Variants in USP6NL observed in about 807,000 individuals in gnomAD.
USP6NL encodes the protein USP6 N-terminal like, also known as USP6 N-terminal-like protein.
In USP6NL, 26 loss-of-function variants were observed where a neutral mutation model predicts 61.9. The ratio of observed to expected loss-of-function variants is 0.42; its 90% CI spans 0.31 to 0.58. The LOEUF (loss-of-function observed/expected upper bound fraction) is 0.58, where lower values mean the gene tolerates loss of function less well. Ranked by LOEUF, USP6NL falls within the 20% of genes least tolerant of loss-of-function variation. The probability of loss-of-function intolerance (pLI) is 0.16; values close to 1 mark genes in which losing one functional copy is unlikely to be tolerated. For missense variants in USP6NL, 1,114 were observed against 1,034.3 expected, an observed-to-expected ratio of 1.08 and a Z score of -1.06; for synonymous variants, 432 against 390.1, an observed-to-expected ratio of 1.11 and a Z score of -1.27.
chr10:11,611,304 G>A lies in USP6NL; in HGVS notation c.-84+139C>T, dbSNP rs1445245517. On this transcript the variant is annotated intron_variant, in intron 1 of 14. Transcript: ENST00000609104. This position sits in a 1 kb window ranked among gnomAD's most constrained non-coding sequence, Gnocchi z 5.3. The stretch of plus-strand genomic sequence containing the variant: ...CCCCAGGGCCGAGCCGCGAACCGCA[G>A]CCGCGTCCCCTCCTCCAGGGGCCGG... 6.6e-6 allele frequency: 1 copy of A among 151,920 alleles called. No homozygotes were observed. The highest frequency in any genetic ancestry group is 1.5e-5 in the Non-Finnish European group (1 of 67,972). 9.4% of individuals were successfully genotyped at this position (151,920 alleles called of 1,614,324 possible).
chr10:11,506,868 A>G (rs1834465838), intron 6 of USP6NL, among the ~76,000 whole-genome samples: 1 of 152,168 alleles, frequency 6.6e-6, no homozygotes, highest in Non-Finnish European at 1.5e-5. Flanking sequence ...GTGGAGAGAA[A>G]ACATACTTCT....
Position 11,592,631 on chromosome 10 carries a change from A to G in USP6NL, c.4+5000T>C, listed in dbSNP as rs1838190754. 6.6e-6 allele frequency among the ~76,000 whole-genome samples: 1 copy of G among 152,242 alleles called. No homozygotes were observed. ...CAGACATGCTGGCATTTCAAAGACAATTCAACTTAAATTTTCTTTTAACTT... is the reference window on the plus strand; with the variant it reads ...CAGACATGCTGGCATTTCAAAGACAGTTCAACTTAAATTTTCTTTTAACTT... On this transcript the variant is annotated intron_variant, in intron 2 of 14. Transcript: ENST00000609104. This position sits in a 1 kb window ranked among gnomAD's most constrained non-coding sequence, Gnocchi z 4.7.
intron 2 of USP6NL, among the ~76,000 whole-genome samples, chr10:11,581,986 C>T (rs908772785): frequency 2.0e-5 from 3 of 151,934 alleles, no homozygotes; most frequent in East Asian, 1.9e-4. Context: ...GTTTTTGAGA[C>T]GGAGTTTCGC....
intron 2 of USP6NL, among the ~76,000 whole-genome samples, chr10:11,534,220 C>CCATT (rs1478560009): frequency 5.3e-5 from 8 of 152,198 alleles, no homozygotes; most frequent in African/African-American, 1.9e-4. Context: ...CTTGCTCTGC[C>CCATT]CATTGGCTAT....
chr10:11,516,257 G>C (rs1290689203), intron 5 of USP6NL, among the ~76,000 whole-genome samples: 1 of 152,150 alleles, frequency 6.6e-6, no homozygotes, highest in Non-Finnish European at 1.5e-5. Flanking sequence ...GGCAAAGCTG[G>C]AAGGAAAGCT....
chr10:11,485,225 C>A lies in USP6NL; in HGVS notation c.769G>T (p.Glu257Ter), dbSNP rs765678739. The change falls in exon 12 of 15, where the codon GAA (glutamate) becomes TAA (stop). Residue 257 changes from glutamate (E) to a stop codon, truncating the protein, a stop_gained. Coordinates refer to ENST00000609104, the MANE Select transcript of USP6NL (RefSeq NM_014688.5). LOFTEE classifies it high-confidence loss of function. The surrounding 1 kb of genome is among the most constrained non-coding windows in gnomAD (Gnocchi z 4.8). ...SKLKQHLDSQEIYTSFYTMKW... is the reference protein window; with the variant it reads ...SKLKQHLDSQ ...ATTGTGTAAAAACTTGTGTAGATTTCTTGAGAATCCTGAAAAAACAAAGAG... is the reference window on the plus strand; with the variant it reads ...ATTGTGTAAAAACTTGTGTAGATTTATTGAGAATCCTGAAAAAACAAAGAG... The A allele has an allele frequency of 6.6e-7, 1 of 1,523,162 alleles. No individual in the cohort carries two copies. The highest frequency in any genetic ancestry group is 1.3e-5 in the South Asian group (1 of 76,900). The allele number at this position is 1,523,162 out of a possible 1,614,324, so 94.4% of individuals were successfully genotyped here.
At chr10:11,582,573 G>A (rs1234568992) in intron 2 of USP6NL, among the ~76,000 whole-genome samples, 1 of 152,198 alleles carries the variant, frequency 6.6e-6, no homozygotes, top group East Asian at 1.9e-4. Context: ...TGTGTTTATG[G>A]ATGACAACAT....
At chr10:11,501,345 G>T in intron 6 of USP6NL, 137 bp from the exon 7 acceptor site, 1 of 639,052 alleles carries the variant, frequency 1.6e-6, no homozygotes, top group Non-Finnish European at 2.6e-6. Context: ...TTTCAACATG[G>T]CACATGGAGG....
At chr10:11,605,684 G>A (rs914344085) in intron 1 of USP6NL, among the ~76,000 whole-genome samples, 2 of 152,076 alleles carry the variant, frequency 1.3e-5, no homozygotes, top group African/African-American at 4.8e-5. Flanking sequence ...TAACTAAACT[G>A]AAAGTCTAAA....
At chr10:11,521,953 T>G (rs1369972367) in intron 4 of USP6NL, among the ~76,000 whole-genome samples, 1 of 152,232 alleles carries the variant, frequency 6.6e-6, no homozygotes, top group Non-Finnish European at 1.5e-5. Context: ...CTATTTTTGA[T>G]TAAAATGTTA....
At chr10:11,523,185 T>C (rs1450719066) in intron 4 of USP6NL, among the ~76,000 whole-genome samples, 1 of 152,260 alleles carries the variant, frequency 6.6e-6, no homozygotes, top group Non-Finnish European at 1.5e-5. Flanking sequence ...AATATTCAGA[T>C]TGCCAAATAC....
rs1833401428 is a variant in USP6NL at position 11,485,128 on chromosome 10, AT to A, written c.825+40del. 6.5e-7 allele frequency: 1 copy of A among 1,537,514 alleles called. No homozygotes were observed. The highest frequency in any genetic ancestry group is 1.2e-5 in the South Asian group (1 of 80,348). ...GGTTAACAGCTTCCCCTCACCTTGT[AT>A]TTATAATTTTATGACTGAGTTTTGT... On this transcript the variant is annotated intron_variant, in intron 12 of 14. Transcript: ENST00000609104. The surrounding 1 kb of genome is among the most constrained non-coding windows in gnomAD (Gnocchi z 4.8).
intron 6 of USP6NL, among the ~76,000 whole-genome samples, chr10:11,507,474 T>A (rs1045424278): frequency 6.6e-6 from 1 of 152,110 alleles, no homozygotes; most frequent in South Asian, 2.1e-4. Flanking sequence ...CCACCCCAAA[T>A]GAACTCACCC....
At chr10:11,477,819 A>G (rs904416242) in intron 14 of USP6NL, among the ~76,000 whole-genome samples, 1 of 152,244 alleles carries the variant, frequency 6.6e-6, no homozygotes. Flanking sequence ...ATTAATGTGA[A>G]AAGGTTTTAA....
intron 2 of USP6NL, among the ~76,000 whole-genome samples, chr10:11,542,913 C>A (rs1566169547): frequency 6.6e-6 from 1 of 152,114 alleles, no homozygotes; most frequent in Non-Finnish European, 1.5e-5. Context: ...TCCGTCACCT[C>A]CTTTTTCACA....
intron 10 of USP6NL, 108 bp downstream of exon 10, chr10:11,488,994 T>A: frequency 6.9e-7 from 1 of 1,457,002 alleles, no homozygotes; most frequent in Non-Finnish European, 9.2e-7. Flanking sequence ...CAACGAGCCC[T>A]GAGACATTAA....
chr10:11,493,527 T>C (rs1205194242), intron 7 of USP6NL, among the ~76,000 whole-genome samples: 1 of 152,210 alleles, frequency 6.6e-6, no homozygotes, highest in African/African-American at 2.4e-5. Flanking sequence ...ACTGCTGAAC[T>C]ATGTGAAAGT....
chr10:11,465,632 C>T lies in USP6NL; in HGVS notation c.1079-1783G>A, dbSNP rs1260834107. Reference sequence around the variant, plus strand: ...TGCTGCTACTGCTGCTGTGCCTGTACGTGCTCTCCCCACACCGTGCTGGCA... The same window carrying T: ...TGCTGCTACTGCTGCTGTGCCTGTATGTGCTCTCCCCACACCGTGCTGGCA... On this transcript the variant is annotated intron_variant, in intron 14 of 14. Coordinates refer to ENST00000609104, the MANE Select transcript of USP6NL (RefSeq NM_014688.5). This position sits in a 1 kb window ranked among gnomAD's most constrained non-coding sequence, Gnocchi z 4.5. 6.6e-6 allele frequency among the ~76,000 whole-genome samples: 1 copy of T among 152,198 alleles called. No homozygotes were observed. The highest frequency in any genetic ancestry group is 2.4e-5 in the African/African-American group (1 of 41,452).
intron 13 of USP6NL, among the ~76,000 whole-genome samples, 185 bp downstream of exon 13, chr10:11,484,786 T>C (rs1349445944): frequency 1.3e-5 from 2 of 152,168 alleles, no homozygotes; most frequent in Non-Finnish European, 2.9e-5. Context: ...GAAGTAAGCT[T>C]CTAGTCATGA....
Sources: allele counts gnomAD v4.1 joint callset (sites outside exome capture counted in the v4.1 genomes callset), GRCh38; gene constraint gnomAD v4.1.1; non-coding constraint Gnocchi (gnomAD v3.1); transcripts MANE v1.5; gene names NCBI Gene and HGNC (gene_info 2026-07-23, HGNC 2026-07-21).